The following PRKCB variants were observed in gnomAD, a reference collection of about 807,000 sequenced individuals.
PRKCB encodes the protein protein kinase C beta type.
A neutral mutation model predicts 81.5 loss-of-function variants in PRKCB; 13 were observed. The ratio of observed to expected loss-of-function variants is 0.16; its 90% CI spans 0.10 to 0.25. The LOEUF (loss-of-function observed/expected upper bound fraction) is 0.25. Among genes scored for constraint, PRKCB ranks in the 10% least tolerant of loss-of-function variants. PRKCB has a pLI of 1.00. For synonymous variants in PRKCB, 335 were observed against 321.4 expected (o/e 1.04, Z -0.45); for missense variants, 509 against 875.7 (o/e 0.58, Z 5.29).
intron 5 of PRKCB, among the ~76,000 whole-genome samples, chr16:24,046,996 C>G (rs1213823089): frequency 6.6e-6 from 1 of 151,888 alleles, no homozygotes; most frequent in Non-Finnish European, 1.5e-5. Flanking sequence ...GTTGAGGCCA[C>G]AAGTTTGAGA....
intron 10 of PRKCB, among the ~76,000 whole-genome samples, chr16:24,163,382 A>C (rs1458532368): frequency 6.6e-6 from 1 of 152,218 alleles, no homozygotes; most frequent in African/African-American, 2.4e-5. Context: ...AAAGCCATCC[A>C]AGGATCTTGA....
chr16:24,060,871 G>A (rs144846784), intron 5 of PRKCB, among the ~76,000 whole-genome samples: 1 of 152,102 alleles, frequency 6.6e-6, no homozygotes, highest in South Asian at 2.1e-4. Context: ...TCCTCCCAAG[G>A]TTATTCCCTG....
intron 2 of PRKCB, among the ~76,000 whole-genome samples, chr16:23,982,449 CTCAT>C (rs1964751537): frequency 6.6e-6 from 1 of 150,410 alleles, no homozygotes; most frequent in South Asian, 2.1e-4. Context: ...GAGTCAGGGT[CTCAT>C]TCTGTTGCCC....
At chr16:24,134,844 C>T (rs1471422598) in intron 9 of PRKCB, among the ~76,000 whole-genome samples, 5 of 151,642 alleles carry the variant, frequency 3.3e-5, no homozygotes, top group African/African-American at 9.7e-5. Flanking sequence ...CCCAGGAGTT[C>T]GAGGCTGAAG....
At chr16:24,187,606 A>G (rs1044159105) in intron 15 of PRKCB, among the ~76,000 whole-genome samples, 3 of 152,212 alleles carry the variant, frequency 2.0e-5, no homozygotes, top group Non-Finnish European at 4.4e-5. Context: ...TTGGAGATCA[A>G]GGGACCCTTT....
chr16:24,148,196 G>C (rs771668839), intron 9 of PRKCB, among the ~76,000 whole-genome samples: 25 of 152,142 alleles, frequency 1.6e-4, no homozygotes, highest in Non-Finnish European at 3.4e-4. Context: ...TATGCCTCCT[G>C]TGTCCCCGCC....
chr16:24,214,187 T>A (rs1968188373), intron 16 of PRKCB, among the ~76,000 whole-genome samples: 1 of 152,206 alleles, frequency 6.6e-6, no homozygotes, highest in Non-Finnish European at 1.5e-5. Flanking sequence ...AGGACAGCAC[T>A]TTGAGGGGTC....
chr16:23,874,283 T>C (rs1962958691), intron 2 of PRKCB, among the ~76,000 whole-genome samples: 1 of 152,228 alleles, frequency 6.6e-6, no homozygotes, highest in Non-Finnish European at 1.5e-5. Flanking sequence ...GTGTGCCTTA[T>C]AAAACACAAA....
intron 9 of PRKCB, among the ~76,000 whole-genome samples, chr16:24,143,507 T>C (rs1470243868): frequency 1.3e-5 from 2 of 152,004 alleles, no homozygotes; most frequent in Non-Finnish European, 2.9e-5. Context: ...CCCAGTGTCA[T>C]CCACAAGCCT....
chr16:23,964,414 A>T (rs1964461700), intron 2 of PRKCB, among the ~76,000 whole-genome samples: 1 of 152,248 alleles, frequency 6.6e-6, no homozygotes, highest in Admixed American at 6.5e-5. Context: ...TAGTTGTGAC[A>T]GAGACCATGT....
At chr16:23,946,016 A>T (rs535383120) in intron 2 of PRKCB, among the ~76,000 whole-genome samples, 1 of 152,204 alleles carries the variant, frequency 6.6e-6, no homozygotes. Flanking sequence ...TATGACATAC[A>T]TCCTCTCATT....
At chr16:24,129,405 T>G (rs1966849734) in intron 9 of PRKCB, among the ~76,000 whole-genome samples, 1 of 152,028 alleles carries the variant, frequency 6.6e-6, no homozygotes, top group Admixed American at 6.6e-5. Context: ...AAGATCTATG[T>G]AAAAATGGTA....
In PRKCB at chr16:24,142,457, G is replaced by A. The variant is rs917836786; in HGVS notation, c.1066-12227G>A. On this transcript the variant is annotated intron_variant, in intron 9 of 16. Transcript: ENST00000643927. ...GCCCCGGGAAGAGCAGGTGGTTGGC[G>A]TTTGCTCAGTTTTCCAGCCCCTGAT... Among the ~76,000 whole-genome samples, 3 of 152,162 alleles carry A rather than the reference G, an allele frequency of 2.0e-5. 1 individual carries two copies. The highest frequency in any genetic ancestry group is 4.4e-5 in the Non-Finnish European group (3 of 68,030).
rs1967893257 is a variant in PRKCB, at chr16:24,197,255, G to A, written c.1863+6025G>A. ...AACATTATGCAGGAAGCTGAAGTAG[G>A]GATGGAGATTGGAAGAGCCAGGTCA... On this transcript the variant is annotated intron_variant, in intron 16 of 16. Transcript: ENST00000643927. Among the ~76,000 whole-genome samples, 3 of 152,198 alleles carry A rather than the reference G, an allele frequency of 2.0e-5. No homozygotes were observed. The South Asian group carries it at 6.2e-4, about 32-fold the overall frequency.
intron 5 of PRKCB, among the ~76,000 whole-genome samples, chr16:24,085,796 C>A (rs535698180): frequency 8.5e-5 from 13 of 152,312 alleles, no homozygotes; most frequent in African/African-American, 3.1e-4. Context: ...AACTTAGTTC[C>A]TGATTCACCA....
At chr16:23,852,020 G>A (rs192568085) in intron 2 of PRKCB, among the ~76,000 whole-genome samples, 41 of 152,240 alleles carry the variant, frequency 2.7e-4, no homozygotes, top group Admixed American at 7.2e-4. Flanking sequence ...TTTTTTAGTG[G>A]ATTCTTTAGG....
intron 2 of PRKCB, among the ~76,000 whole-genome samples, chr16:23,877,984 C>T (rs1963044402): frequency 6.6e-6 from 1 of 152,120 alleles, no homozygotes; most frequent in South Asian, 2.1e-4. Flanking sequence ...CAGGCATGCA[C>T]CACCACTCCT....
intron 2 of PRKCB, among the ~76,000 whole-genome samples, chr16:23,880,503 G>C (rs1463320540): frequency 6.6e-6 from 1 of 152,028 alleles, no homozygotes; most frequent in African/African-American, 2.4e-5. Context: ...CAAAAGGTCT[G>C]TTTGGGTCTC....
At chr16:24,116,704 G>A (rs1192079896) in intron 8 of PRKCB, among the ~76,000 whole-genome samples, 3 of 152,222 alleles carry the variant, frequency 2.0e-5, no homozygotes, top group Non-Finnish European at 4.4e-5. Flanking sequence ...ATTAAGACAG[G>A]AAGGCAGTCT....
Sources: gnomAD v4.1 joint callset for allele counts (sites outside exome capture counted in the v4.1 genomes callset) on GRCh38, gnomAD v4.1.1 for gene constraint, MANE v1.5 for transcripts, NCBI Gene and HGNC (gene_info 2026-07-23, HGNC 2026-07-21) for gene names.